The following GRM5 variants were observed in gnomAD, a reference collection of about 807,000 sequenced individuals.
The protein encoded by GRM5 is metabotropic glutamate receptor 5.
In GRM5, 19 loss-of-function variants were observed where a neutral mutation model predicts 83.1. The observed-to-expected ratio is 0.23, with a 90% confidence interval of 0.16 to 0.34. The LOEUF (loss-of-function observed/expected upper bound fraction) is 0.34. Ranked by LOEUF, GRM5 falls within the 10% of genes least tolerant of loss-of-function variation. The pLI is 1.00. For missense variants in GRM5, 1,160 were observed against 1,588.3 expected (o/e 0.73, Z 4.58); for synonymous variants, 675 against 633.6 (o/e 1.07, Z -0.98).
intron 8 of GRM5, among the ~76,000 whole-genome samples, chr11:88,546,240 CT>C (rs1300654879): frequency 6.6e-6 from 1 of 151,890 alleles, no homozygotes; most frequent in African/African-American, 2.4e-5. Context: ...TCTTGCTTCT[CT>C]TTTTTTAATG....
chr11:89,046,124 G>A (rs1363699375), intron 2 of GRM5, among the ~76,000 whole-genome samples: 4 of 152,152 alleles, frequency 2.6e-5, no homozygotes, highest in Non-Finnish European at 4.4e-5. Context: ...AGAAAACAAA[G>A]GGCTATCATT....
intron 4 of GRM5, among the ~76,000 whole-genome samples, chr11:88,638,716 G>A (rs1171014305): frequency 6.6e-6 from 1 of 152,064 alleles, no homozygotes; most frequent in Admixed American, 6.6e-5. Context: ...TTGGTAGAAT[G>A]TTAATTTCAA....
At chr11:88,963,541 GCCATGTTGGACCATGTAGATAAAGCAA>G (rs1307848742) in intron 2 of GRM5, among the ~76,000 whole-genome samples, 1 of 152,174 alleles carries the variant, frequency 6.6e-6, no homozygotes, top group Non-Finnish European at 1.5e-5. Context: ...ATGCTATTTA[GCCATGTTGGACCATGTAGATAAAGCAA>G]CCTGGTAGAG....
chr11:88,976,280 G>A (rs12421343), intron 2 of GRM5, among the ~76,000 whole-genome samples: 3,496 of 152,250 alleles, frequency 0.023, 79 homozygotes, highest in East Asian at 0.1. Context: ...CCAAGTTGGA[G>A]AGAATCGGAT....
intron 2 of GRM5, among the ~76,000 whole-genome samples, chr11:88,859,088 A>C (rs1447045463): frequency 2.0e-5 from 3 of 152,052 alleles, no homozygotes; most frequent in Non-Finnish European, 2.9e-5. Context: ...CTTTTTTTTA[A>C]AACACTCTGT....
At chr11:88,670,339 G>A (rs78339652) in intron 3 of GRM5, among the ~76,000 whole-genome samples, 2 of 151,870 alleles carry the variant, frequency 1.3e-5, no homozygotes, top group African/African-American at 2.4e-5. Context: ...ATAGGAAAGA[G>A]TTTTCAAAAA....
chr11:88,649,220 A>G lies in GRM5; in HGVS notation c.1147+3948T>C, dbSNP rs961668105. Reference sequence around the variant, plus strand: ...ATAATATCTATACACATATACACATATATGTATATATAGTATATATATCAC... The same window carrying G: ...ATAATATCTATACACATATACACATGTATGTATATATAGTATATATATCAC... On this transcript the variant is annotated intron_variant, in intron 4 of 9. Coordinates refer to ENST00000305447, the MANE Select transcript of GRM5 (RefSeq NM_001143831.3). Among the ~76,000 whole-genome samples, 8 of 139,330 alleles carry G rather than the reference A, an allele frequency of 5.7e-5. 1 individual carries two copies. The South Asian group carries it at 1.5e-3, about 26-fold the overall frequency. The allele number at this position is 139,330 out of a possible 152,430, so 91.4% of individuals were successfully genotyped here.
intron 2 of GRM5, among the ~76,000 whole-genome samples, chr11:88,952,136 AC>A (rs142430850): frequency 0.011 from 1,680 of 152,228 alleles, 34 homozygotes; most frequent in African/African-American, 0.038. Flanking sequence ...ACACACACAC[AC>A]ACACACACAT....
At chr11:88,563,827 C>T (rs1320584170) in intron 8 of GRM5, among the ~76,000 whole-genome samples, 1 of 152,182 alleles carries the variant, frequency 6.6e-6, no homozygotes, top group African/African-American at 2.4e-5. Flanking sequence ...ACTGGCTTTT[C>T]ATAAAAGTAA....
intron 3 of GRM5, among the ~76,000 whole-genome samples, chr11:88,813,994 C>G (rs1943628687): frequency 6.6e-6 from 1 of 152,034 alleles, no homozygotes; most frequent in Admixed American, 6.5e-5. Flanking sequence ...ATTCCAGTTG[C>G]TTATTGGATG....
chr11:89,016,334 G>T (rs1940855375), intron 2 of GRM5, among the ~76,000 whole-genome samples: 1 of 150,630 alleles, frequency 6.6e-6, no homozygotes, highest in Admixed American at 6.6e-5. Context: ...CATGTTATGT[G>T]CATGGGAATA....
intron 7 of GRM5, among the ~76,000 whole-genome samples, chr11:88,571,970 G>A (rs1185189336): frequency 1.3e-5 from 2 of 152,132 alleles, no homozygotes; most frequent in African/African-American, 2.4e-5. Flanking sequence ...AGACATTTCA[G>A]AACTGGAATT....
intron 2 of GRM5, among the ~76,000 whole-genome samples, chr11:88,922,256 A>C (rs1202479533): frequency 1.3e-5 from 2 of 152,192 alleles, no homozygotes; most frequent in Non-Finnish European, 2.9e-5. Flanking sequence ...GTGGAACCAC[A>C]AAAGACTCAG....
chr11:88,931,100 T>C (rs1470129791), intron 2 of GRM5, among the ~76,000 whole-genome samples: 3 of 151,958 alleles, frequency 2.0e-5, no homozygotes, highest in Admixed American at 6.6e-5. Flanking sequence ...CTATTATATG[T>C]GCTATAGGTA....
chr11:88,824,408 GT>G (rs1490682873), intron 3 of GRM5, among the ~76,000 whole-genome samples: 1 of 152,106 alleles, frequency 6.6e-6, no homozygotes, highest in African/African-American at 2.4e-5. Context: ...CCACCATCCT[GT>G]ACACAAGCAC....
chr11:88,868,829 A>G (rs1354470601), intron 2 of GRM5, among the ~76,000 whole-genome samples: 1 of 151,760 alleles, frequency 6.6e-6, no homozygotes, highest in Non-Finnish European at 1.5e-5. Context: ...ATTGGAACAG[A>G]TATAACCCCT....
chr11:88,657,207 T>G (rs1939786482), intron 3 of GRM5, among the ~76,000 whole-genome samples: 1 of 152,158 alleles, frequency 6.6e-6, no homozygotes, highest in African/African-American at 2.4e-5. Flanking sequence ...CAACCTAAGC[T>G]TGTATTTCCT....
In GRM5 at chr11:88,804,542, G is replaced by A. The variant is rs984940794; in HGVS notation, c.911+45364C>T. ...CACACTCTGGGGACTGTTGTGGGGT[G>A]GCGGGAGCGGGGAGGGATAGCTTTA... On this transcript the variant is annotated intron_variant, in intron 3 of 9. Transcript: ENST00000305447. Among the ~76,000 whole-genome samples the A allele has an allele frequency of 2.6e-5, 4 of 151,850 alleles. No individual in the cohort carries two copies. The South Asian group carries it at 8.3e-4, about 32-fold the overall frequency.
chr11:88,740,250 C>T (rs1312930224), intron 3 of GRM5, among the ~76,000 whole-genome samples: 3 of 151,660 alleles, frequency 2.0e-5, no homozygotes, highest in African/African-American at 7.3e-5. Context: ...AATTTTTTTC[C>T]ATCTTTTTAA....
Sources: allele counts gnomAD v4.1 joint callset (sites outside exome capture counted in the v4.1 genomes callset), GRCh38; gene constraint gnomAD v4.1.1; transcripts MANE v1.5; gene names NCBI Gene and HGNC (gene_info 2026-07-23, HGNC 2026-07-21).